NEO1: variants seen among roughly 807,000 people sequenced by gnomAD.
NEO1 encodes the protein neogenin.
Under a neutral mutation model 159.7 loss-of-function variants are expected in NEO1, and 63 were observed. The observed-to-expected ratio is 0.39, with a 90% CI of 0.32 to 0.49. The LOEUF (loss-of-function observed/expected upper bound fraction) is 0.49, where lower values mean the gene tolerates loss of function less well. Ranked by LOEUF, NEO1 falls within the 20% of genes least tolerant of loss-of-function variation. The pLI is 0.85. For missense variants in NEO1, 1,615 were observed against 1,831.0 expected (o/e 0.88, Z 2.15); for synonymous variants, 633 against 662.0 (o/e 0.96, Z 0.67).
At chr15:73,197,403 G>C (rs1485202549) in intron 7 of NEO1, among the ~76,000 whole-genome samples, 1 of 151,922 alleles carries the variant, frequency 6.6e-6, no homozygotes, top group African/African-American at 2.4e-5. Context: ...TTGGAGATTT[G>C]TTCAATGTTT....
In NEO1 at chr15:73,270,036, A is replaced by G; in HGVS notation, c.2521A>G (p.Ile841Val). ...TDTSEVDLFV[I>V]NAPYTPVPDP... ...CACTTCTGAAGTTGATTTATTTGTT[A>G]TTAATGCTCCATACACTCCAGTGCC... Residue 841 changes from isoleucine (I) to valine (V), a missense_variant, in exon 17 of 29, where the codon ATT becomes GTT. Coordinates refer to ENST00000261908, the MANE Select transcript of NEO1 (RefSeq NM_002499.4). 6.2e-7 allele frequency: 1 copy of G among 1,614,014 alleles called. No individual in the cohort carries two copies. The highest frequency in any genetic ancestry group is 8.5e-7 in the Non-Finnish European group (1 of 1,179,956).
intron 5 of NEO1, among the ~76,000 whole-genome samples, chr15:73,139,984 A>G (rs570100755): frequency 2.0e-5 from 3 of 152,368 alleles, no homozygotes; most frequent in East Asian, 3.9e-4. Context: ...ACAGAAACCA[A>G]TAGAAAATGG....
chr15:73,200,670 CT>C (rs931779531), intron 7 of NEO1, among the ~76,000 whole-genome samples: 193 of 92,868 alleles, frequency 2.1e-3, no homozygotes, highest in African/African-American at 5.2e-3. Context: ...ATTCCCTTAT[CT>C]TTTTTTTTTT....
intron 1 of NEO1, among the ~76,000 whole-genome samples, chr15:73,085,481 A>G (rs2069307244): frequency 6.6e-6 from 1 of 152,128 alleles, no homozygotes; most frequent in South Asian, 2.1e-4. Context: ...TCATTTCTCT[A>G]GGGCATATAT....
intron 7 of NEO1, among the ~76,000 whole-genome samples, chr15:73,205,034 G>A (rs1040184339): frequency 1.3e-5 from 2 of 152,128 alleles, no homozygotes; most frequent in Non-Finnish European, 2.9e-5. Context: ...ACTCCTCAGA[G>A]GGAGCCTTTT....
intron 7 of NEO1, among the ~76,000 whole-genome samples, chr15:73,223,214 T>C (rs1411408248): frequency 1.3e-5 from 2 of 152,226 alleles, no homozygotes; most frequent in African/African-American, 4.8e-5. Context: ...TGGCCTATCA[T>C]GGAGAAAGTT....
chr15:73,053,423 G>T (rs1449112721), intron 1 of NEO1, among the ~76,000 whole-genome samples: 3 of 152,204 alleles, frequency 2.0e-5, no homozygotes, highest in Non-Finnish European at 4.4e-5. Context: ...GAGCGGCTCG[G>T]AGTGATCGTA....
At chr15:73,216,328 A>C (rs888628652) in intron 7 of NEO1, among the ~76,000 whole-genome samples, 5 of 152,188 alleles carry the variant, frequency 3.3e-5, no homozygotes, top group African/African-American at 1.2e-4. Flanking sequence ...AATCCAGTCT[A>C]TCATTGTTGG....
intron 7 of NEO1, among the ~76,000 whole-genome samples, chr15:73,234,408 T>C (rs115970986): frequency 0.021 from 3,176 of 152,274 alleles, 121 homozygotes; most frequent in African/African-American, 0.073. Context: ...AGCTAGTAAC[T>C]TGGAAGTCTT....
intron 1 of NEO1, among the ~76,000 whole-genome samples, chr15:73,083,772 A>T (rs933584004): frequency 1.1e-4 from 16 of 152,154 alleles, no homozygotes; most frequent in African/African-American, 2.4e-4. Flanking sequence ...TAGGTAAGTT[A>T]TATAATGATT....
intron 4 of NEO1, among the ~76,000 whole-genome samples, chr15:73,128,430 T>C (rs980512733): frequency 5.9e-5 from 9 of 152,184 alleles, no homozygotes; most frequent in East Asian, 1.9e-4. Context: ...ATAAAACTTA[T>C]ATATAATGAT....
chr15:73,115,612 G>T (rs1212782551), intron 1 of NEO1, among the ~76,000 whole-genome samples: 1 of 152,036 alleles, frequency 6.6e-6, no homozygotes, highest in African/African-American at 2.4e-5. Flanking sequence ...TGCTGGATTG[G>T]GTTTCTCTGA....
intron 15 of NEO1, among the ~76,000 whole-genome samples, chr15:73,265,565 G>C (rs981857100): frequency 6.6e-6 from 1 of 152,188 alleles, no homozygotes; most frequent in Admixed American, 6.5e-5. Flanking sequence ...TGTGTATTAT[G>C]GTTGCTCTTG....
rs1450294650 is a variant in NEO1, at chr15:73,148,205, G to T, written c.1015+12178G>T. Among the ~76,000 whole-genome samples, 4 of 152,048 alleles carry T rather than the reference G, an allele frequency of 2.6e-5. No homozygotes were observed. In the South Asian group the frequency reaches 6.2e-4, roughly 24 times the overall value. On this transcript the variant is annotated intron_variant, in intron 5 of 28. Coordinates refer to ENST00000261908, the MANE Select transcript of NEO1 (RefSeq NM_002499.4). The stretch of plus-strand genomic sequence containing the variant: ...GGTATCATCAAATCTACAAGCTTTG[G>T]TTAAGAGAACCATGACAGGAAGAAT...
chr15:73,271,245 C>T (rs1045382688), intron 18 of NEO1, among the ~76,000 whole-genome samples: 2 of 152,184 alleles, frequency 1.3e-5, no homozygotes, highest in African/African-American at 2.4e-5. Flanking sequence ...CTTTCTTTGC[C>T]AACCATTTTA....
intron 26 of NEO1, among the ~76,000 whole-genome samples, chr15:73,297,459 C>T (rs1230725918): frequency 6.6e-6 from 1 of 152,204 alleles, no homozygotes; most frequent in Non-Finnish European, 1.5e-5. Context: ...ACTTTTCATA[C>T]ATCTCATTCA....
chr15:73,135,950 A>T lies in NEO1; in HGVS notation c.938A>T (p.Asp313Val), dbSNP rs749840682. Residue 313 changes from aspartate to valine, a missense_variant, in exon 5 of 29, where the codon GAT becomes GTT. Transcript: ENST00000261908. ...CTGGAGATCAGTGATGTTACTGAGG[A>T]TGATGCTGGGACTTATTTTTGTATA... ...GSLEISDVTE[D>V]DAGTYFCIAD... The T allele has an allele frequency of 1.7e-5, 27 of 1,606,134 alleles. No homozygotes were observed. The highest frequency in any genetic ancestry group is 1.9e-5 in the Non-Finnish European group (22 of 1,178,262).
intron 1 of NEO1, among the ~76,000 whole-genome samples, chr15:73,112,689 C>G (rs1428756801): frequency 6.6e-6 from 1 of 151,964 alleles, no homozygotes; most frequent in Non-Finnish European, 1.5e-5. Context: ...AGATCACAGA[C>G]CCTGGTTCTG....
chr15:73,169,742 A>C (rs568582914), intron 5 of NEO1, among the ~76,000 whole-genome samples: 2 of 128,818 alleles, frequency 1.6e-5, no homozygotes, highest in Non-Finnish European at 3.1e-5. Context: ...GCAGTTCTTT[A>C]GACTCAAGGA....
Sources: allele counts gnomAD v4.1 joint callset (sites outside exome capture counted in the v4.1 genomes callset), GRCh38; gene constraint gnomAD v4.1.1; transcripts MANE v1.5; gene names NCBI Gene and HGNC (gene_info 2026-07-23, HGNC 2026-07-21).